The following SLC35F3 variants were observed in gnomAD, a reference collection of about 807,000 sequenced individuals.
SLC35F3 encodes solute carrier family 35 member F3.
SLC35F3 carries 25 observed loss-of-function variants against 49.9 expected under a neutral mutation model. The ratio of observed to expected loss-of-function variants is 0.50; its 90% confidence interval spans 0.37 to 0.70. The LOEUF (loss-of-function observed/expected upper bound fraction) is 0.70, where lower values mean the gene tolerates loss of function less well. Among genes scored for constraint, SLC35F3 ranks in the 30% least tolerant of loss-of-function variants. The probability of loss-of-function intolerance (pLI) is 0.00; values close to 1 mark genes in which losing one functional copy is unlikely to be tolerated. For missense variants in SLC35F3, 525 were observed against 639.8 expected (o/e 0.82, Z 1.94); for synonymous variants, 275 against 265.4 (o/e 1.04, Z -0.35).
intron 2 of SLC35F3, among the ~76,000 whole-genome samples, chr1:234,152,221 A>ATTATTG (rs973371352): frequency 6.9e-6 from 1 of 144,546 alleles, no homozygotes; most frequent in Non-Finnish European, 1.5e-5. Context: ...CATTATTATT[A>ATTATTG]TTATTGTTAT....
chr1:234,206,940 T>C (rs1162536324), intron 2 of SLC35F3, among the ~76,000 whole-genome samples: 1 of 152,038 alleles, frequency 6.6e-6, no homozygotes, highest in Non-Finnish European at 1.5e-5. Flanking sequence ...GACGTCTTCC[T>C]CCGACTCAAG....
At chr1:233,914,637 A>T (rs950516668) in intron 2 of SLC35F3, among the ~76,000 whole-genome samples, 2 of 152,248 alleles carry the variant, frequency 1.3e-5, no homozygotes, top group Admixed American at 6.5e-5. Flanking sequence ...TCTGACTACT[A>T]AGATCATAAA....
Position 233,990,493 on chromosome 1 carries a change from G to A in SLC35F3, c.283+84735G>A, listed in dbSNP as rs532852792. Reference sequence around the variant, plus strand: ...AAAAATGGGACGAAGTTAGTCAAAGGGTACTCACTTTGAGTTGTAAAATCA... The same window carrying A: ...AAAAATGGGACGAAGTTAGTCAAAGAGTACTCACTTTGAGTTGTAAAATCA... On this transcript the variant is annotated intron_variant, in intron 2 of 7. Coordinates refer to ENST00000366618, the MANE Select transcript of SLC35F3 (RefSeq NM_173508.4). 7.9e-5 allele frequency among the ~76,000 whole-genome samples: 12 copies of A among 152,236 alleles called. No individual in the cohort carries two copies. The South Asian group carries it at 2.5e-3, about 32-fold the overall frequency.
At chr1:233,922,763 G>C (rs1662087031) in intron 2 of SLC35F3, among the ~76,000 whole-genome samples, 2 of 152,136 alleles carry the variant, frequency 1.3e-5, no homozygotes, top group Admixed American at 1.3e-4. Context: ...TTTTCTTCTA[G>C]AGTTTTTATG....
chr1:234,075,393 T>C (rs561357907), intron 2 of SLC35F3, among the ~76,000 whole-genome samples: 1 of 152,362 alleles, frequency 6.6e-6, no homozygotes, highest in Non-Finnish European at 1.5e-5. Flanking sequence ...AGAAAGAGCA[T>C]ATATTTTAAT....
chr1:234,156,665 G>C (rs1238703062), intron 2 of SLC35F3, among the ~76,000 whole-genome samples: 2 of 152,126 alleles, frequency 1.3e-5, no homozygotes, highest in Non-Finnish European at 2.9e-5. Flanking sequence ...ATCTTGTATA[G>C]GAGTGTTCAG....
chr1:233,950,087 T>C (rs1662578256), intron 2 of SLC35F3, among the ~76,000 whole-genome samples: 1 of 152,078 alleles, frequency 6.6e-6, no homozygotes, highest in Non-Finnish European at 1.5e-5. Flanking sequence ...ATTTCCATTG[T>C]ATTGATTGGT....
At chr1:233,929,747 A>AT (rs1662212742) in intron 2 of SLC35F3, among the ~76,000 whole-genome samples, 1 of 152,156 alleles carries the variant, frequency 6.6e-6, no homozygotes, top group African/African-American at 2.4e-5. Flanking sequence ...CTGGGGTAGC[A>AT]TTTTCCAGAG....
intron 2 of SLC35F3, among the ~76,000 whole-genome samples, chr1:234,135,253 A>C (rs1436825623): frequency 6.6e-6 from 1 of 152,226 alleles, no homozygotes; most frequent in Non-Finnish European, 1.5e-5. Context: ...AAGAATTGAC[A>C]AGTGCTTGAG....
intron 2 of SLC35F3, among the ~76,000 whole-genome samples, chr1:233,981,407 T>C (rs1290777605): frequency 6.6e-6 from 1 of 152,168 alleles, no homozygotes; most frequent in Non-Finnish European, 1.5e-5. Context: ...CATGGAATCA[T>C]ATCGTATAAT....
At chr1:234,112,582 G>T (rs1287884832) in intron 2 of SLC35F3, among the ~76,000 whole-genome samples, 1 of 110,074 alleles carries the variant, frequency 9.1e-6, no homozygotes, top group East Asian at 2.1e-4. Flanking sequence ...TTGAGACAGA[G>T]TCTCACTCTG....
chr1:234,047,393 A>T (rs1019907931), intron 2 of SLC35F3, among the ~76,000 whole-genome samples: 1 of 152,140 alleles, frequency 6.6e-6, no homozygotes, highest in Admixed American at 6.5e-5. Context: ...GTGTGGGTGG[A>T]CCCCATGCAA....
chr1:234,232,836 G>T (rs893671776), intron 3 of SLC35F3, among the ~76,000 whole-genome samples: 1 of 152,172 alleles, frequency 6.6e-6, no homozygotes, highest in African/African-American at 2.4e-5. Context: ...TTTCTTTCCG[G>T]GAATCTACCA....
rs561413550 is a variant in SLC35F3, at chr1:234,013,976, G to C, written c.283+108218G>C. 1.8e-4 allele frequency among the ~76,000 whole-genome samples: 27 copies of C among 152,162 alleles called. 1 individual carries two copies. In the South Asian group the frequency reaches 4.8e-3, roughly 27 times the overall value. On this transcript the variant is annotated intron_variant, in intron 2 of 7. Coordinates refer to ENST00000366618, the MANE Select transcript of SLC35F3 (RefSeq NM_173508.4). ...GAGGAAAGCCATACATCTGATAAGA[G>C]GTGAACTCATTTTTTAAGGCCAGCC...
At chr1:234,153,993 C>T (rs1469530402) in intron 2 of SLC35F3, among the ~76,000 whole-genome samples, 3 of 150,064 alleles carry the variant, frequency 2.0e-5, no homozygotes, top group East Asian at 2.0e-4. Context: ...ACCCAGGAGA[C>T]GGAGCTTGCA....
At chr1:234,228,002 C>T (rs1421474645) in intron 2 of SLC35F3, among the ~76,000 whole-genome samples, 1 of 152,182 alleles carries the variant, frequency 6.6e-6, no homozygotes, top group African/African-American at 2.4e-5. Flanking sequence ...TGTCACTCTA[C>T]ATTTATTCTT....
intron 2 of SLC35F3, among the ~76,000 whole-genome samples, chr1:233,955,294 C>G (rs1220234777): frequency 6.6e-6 from 1 of 152,182 alleles, no homozygotes; most frequent in Non-Finnish European, 1.5e-5. Flanking sequence ...GAAGGTCTTT[C>G]TATTGATTAG....
intron 2 of SLC35F3, among the ~76,000 whole-genome samples, chr1:234,109,808 T>G (rs2102887205): frequency 6.6e-6 from 1 of 152,262 alleles, no homozygotes; most frequent in East Asian, 1.9e-4. Flanking sequence ...GGATGCCACC[T>G]GGGCTCTGAA....
chr1:234,178,426 G>C (rs1355451606), intron 2 of SLC35F3, among the ~76,000 whole-genome samples: 3 of 150,312 alleles, frequency 2.0e-5, no homozygotes, highest in African/African-American at 7.4e-5. Context: ...AGAAGTCTTA[G>C]GAGATAGGTC....
Sources: allele counts gnomAD v4.1 joint callset (sites outside exome capture counted in the v4.1 genomes callset), GRCh38; gene constraint gnomAD v4.1.1; transcripts MANE v1.5; gene names NCBI Gene and HGNC (gene_info 2026-07-23, HGNC 2026-07-21).